The following TACR3 variants were observed in gnomAD, a reference collection of about 807,000 sequenced individuals.
TACR3 encodes the protein neuromedin-K receptor.
In TACR3, 34 loss-of-function variants were observed where a neutral mutation model predicts 35.0. The observed-to-expected ratio is 0.97, with a 90% CI of 0.74 to 1.30. The LOEUF (loss-of-function observed/expected upper bound fraction) is 1.30. TACR3 is among the 50% of genes most tolerant of loss of function. TACR3 has a pLI of 0.00. For synonymous variants in TACR3, 233 were observed against 221.1 expected, an observed-to-expected ratio of 1.05 and a Z score of -0.48; for missense variants, 558 against 591.7, an observed-to-expected ratio of 0.94 and a Z score of 0.59.
At chr4:103,672,631 AC>A (rs1157395479) in intron 1 of TACR3, among the ~76,000 whole-genome samples, 3 of 152,210 alleles carry the variant, frequency 2.0e-5, no homozygotes, top group Non-Finnish European at 2.9e-5. Context: ...TTTATAGGGC[AC>A]TGGCAGAATA....
chr4:103,588,935 G>T lies in TACR3; in HGVS notation c.*747C>A, dbSNP rs1013749987. 1 of 151,894 alleles carries T rather than the reference G, an allele frequency of 6.6e-6. No homozygotes were observed. Among genetic ancestry groups the T allele is most frequent in the Non-Finnish European group, 1.5e-5 (1 of 67,964 alleles). The allele number at this position is 151,894 out of a possible 1,614,324, so 9.4% of individuals were successfully genotyped here. ...GATAGGAATTTTCTTCATATTTTTA[G>T]GGTCTTAACTGACTACTTTTTAGCT... On this transcript the variant is annotated 3_prime_UTR_variant, in exon 5 of 5. Transcript: ENST00000304883.
intron 3 of TACR3, among the ~76,000 whole-genome samples, chr4:103,635,905 A>C (rs1725177499): frequency 6.6e-6 from 1 of 151,890 alleles, no homozygotes; most frequent in South Asian, 2.1e-4. Flanking sequence ...TTGTATTGTA[A>C]ACTTTTCCTT....
At chr4:103,694,998 T>G (rs1722490025) in intron 1 of TACR3, among the ~76,000 whole-genome samples, 1 of 152,184 alleles carries the variant, frequency 6.6e-6, no homozygotes. Flanking sequence ...CCTATCTCAT[T>G]GGACAATTTT....
chr4:103,609,321 A>G (rs1724462005), intron 3 of TACR3, among the ~76,000 whole-genome samples: 1 of 152,158 alleles, frequency 6.6e-6, no homozygotes, highest in South Asian at 2.1e-4. Flanking sequence ...TACACCCTAA[A>G]GCAAATATAA....
At chr4:103,709,856 A>G (rs879512831) in intron 1 of TACR3, among the ~76,000 whole-genome samples, 3 of 152,172 alleles carry the variant, frequency 2.0e-5, no homozygotes, top group Non-Finnish European at 2.9e-5. Flanking sequence ...AGGGGTTGCA[A>G]TCCTAGTCTC....
chr4:103,674,027 G>A (rs1726112672), intron 1 of TACR3, among the ~76,000 whole-genome samples: 1 of 152,236 alleles, frequency 6.6e-6, no homozygotes, highest in South Asian at 2.1e-4. Context: ...TAAACGTGGA[G>A]GAGTTAGAAA....
chr4:103,690,748 T>C (rs927677896), intron 1 of TACR3, among the ~76,000 whole-genome samples: 2 of 152,110 alleles, frequency 1.3e-5, no homozygotes, highest in African/African-American at 4.8e-5. Flanking sequence ...ATCAACATTT[T>C]TAATAGACAA....
Position 103,719,666 on chromosome 4 carries a change from G to A in TACR3, c.10C>T (p.Leu4Phe). ...TCTATCCAGGTTTCTGCTGCTGGGA[G>A]AGTGGCCATCGCCACCGGTCTGCAG... MATLPAAETWIDGG... is the reference protein window; with the variant it reads MATFPAAETWIDGG... The change falls in exon 1 of 5, where the codon CTC becomes TTC. Residue 4 changes from leucine (L) to phenylalanine (F), a missense_variant. Coordinates refer to ENST00000304883, the MANE Select transcript of TACR3 (RefSeq NM_001059.3). 6.2e-7 allele frequency: 1 copy of A among 1,610,466 alleles called. No homozygotes were observed. The highest frequency in any genetic ancestry group is 8.5e-7 in the Non-Finnish European group (1 of 1,180,000).
intron 1 of TACR3, among the ~76,000 whole-genome samples, chr4:103,711,839 A>G (rs1333455285): frequency 2.6e-5 from 4 of 152,194 alleles, no homozygotes; most frequent in Admixed American, 1.3e-4. Flanking sequence ...AAGCATACTT[A>G]TACACCAATA....
chr4:103,601,786 T>C (rs1185433602), intron 3 of TACR3, among the ~76,000 whole-genome samples: 2 of 152,352 alleles, frequency 1.3e-5, no homozygotes, highest in East Asian at 3.9e-4. Flanking sequence ...CCTTTGTGGG[T>C]AACCTGACCT....
chr4:103,625,892 A>AAAAT (rs1332418136), intron 3 of TACR3, among the ~76,000 whole-genome samples: 1 of 152,182 alleles, frequency 6.6e-6, no homozygotes, highest in Non-Finnish European at 1.5e-5. Flanking sequence ...CTGTAATCCA[A>AAAAT]AAATAACTGT....
Position 103,711,354 on chromosome 4 carries a change from A to G in TACR3, c.548+7774T>C, listed in dbSNP as rs143873464. ...TGGTTCAACATACGCAAATCAATAA[A>G]CATAATCCAGCATATAAACAGAACC... is the stretch of plus-strand genomic sequence containing the variant. On this transcript the variant is annotated intron_variant, in intron 1 of 4. Transcript: ENST00000304883. Among the ~76,000 whole-genome samples the G allele has an allele frequency of 1.7e-3, 253 of 152,310 alleles. 8 individuals are homozygous for G. In the East Asian group the frequency reaches 0.046, roughly 28 times the overall value.
intron 3 of TACR3, among the ~76,000 whole-genome samples, chr4:103,627,652 T>G (rs1409613808): frequency 6.6e-6 from 1 of 152,100 alleles, no homozygotes; most frequent in Non-Finnish European, 1.5e-5. Context: ...AGCAAGTCCT[T>G]AGAGACCTAC....
At chr4:103,700,899 C>A (rs1027230856) in intron 1 of TACR3, among the ~76,000 whole-genome samples, 1 of 152,038 alleles carries the variant, frequency 6.6e-6, no homozygotes, top group Non-Finnish European at 1.5e-5. Flanking sequence ...GGACGTATCT[C>A]AAAATAATAA....
intron 3 of TACR3, among the ~76,000 whole-genome samples, chr4:103,604,962 C>T (rs1444278888): frequency 2.9e-4 from 42 of 145,380 alleles, no homozygotes; most frequent in African/African-American, 1.1e-3. Flanking sequence ...GTATATCTCC[C>T]AATGCTATCC....
intron 1 of TACR3, among the ~76,000 whole-genome samples, chr4:103,712,115 G>A (rs1043449389): frequency 1.3e-5 from 2 of 152,124 alleles, no homozygotes; most frequent in African/African-American, 4.8e-5. Flanking sequence ...AGCTACCAAT[G>A]ACTTTCTTCA....
chr4:103,606,910 G>A (rs565469541), intron 3 of TACR3, among the ~76,000 whole-genome samples: 204 of 152,228 alleles, frequency 1.3e-3, no homozygotes, highest in Non-Finnish European at 2.2e-3. Context: ...AGTTTTCAAA[G>A]GGAATGCTTC....
Position 103,719,445 on chromosome 4 carries a change from C to G in TACR3, c.231G>C (p.Gln77His). Residue 77 changes from glutamine to histidine, a missense_variant, in exon 1 of 5, where the codon CAG becomes CAC. Physicochemically the swap from Gln to His is conservative, Grantham distance 24. Transcript: ENST00000304883. ...CGATGCGCCAGGACGGCTGCACGAA[C>G]TGGTTGGTGAGGTTGGCCCAGGGCT... ...PSQPWANLTNQFVQPSWRIAL... is the reference protein window; with the variant it reads ...PSQPWANLTNHFVQPSWRIAL... 1.2e-6 allele frequency: 2 copies of G among 1,614,258 alleles called. No homozygotes were observed. Among genetic ancestry groups the G allele is most frequent in the Non-Finnish European group, 1.7e-6 (2 of 1,180,046 alleles).
intron 1 of TACR3, among the ~76,000 whole-genome samples, chr4:103,671,538 T>G (rs999275688): frequency 2.0e-5 from 3 of 152,150 alleles, no homozygotes; most frequent in East Asian, 3.9e-4. Context: ...ATTCAAGAAT[T>G]TATCCTTTTC....
Sources: gnomAD v4.1 joint callset for allele counts (sites outside exome capture counted in the v4.1 genomes callset) on GRCh38, gnomAD v4.1.1 for gene constraint, MANE v1.5 for transcripts, NCBI Gene and HGNC (gene_info 2026-07-23, HGNC 2026-07-21) for gene names.